MAPK10: variants seen among roughly 807,000 people sequenced by gnomAD.
MAPK10 encodes JNK3 alpha protein kinase.
A neutral mutation model predicts 59.3 loss-of-function variants in MAPK10; 25 were observed. The ratio of observed to expected loss-of-function variants is 0.42; its 90% CI spans 0.31 to 0.59. The LOEUF (loss-of-function observed/expected upper bound fraction) is 0.59, where lower values mean the gene tolerates loss of function less well. MAPK10 is among the 20% of genes least tolerant of loss of function. The pLI is 0.15. For synonymous variants in MAPK10, 190 were observed against 200.5 expected, an observed-to-expected ratio of 0.95 and a Z score of 0.44; for missense variants, 351 against 568.9, an observed-to-expected ratio of 0.62 and a Z score of 3.90.
chr4:86,299,176 C>CT (rs2148840242), intron 2 of MAPK10, among the ~76,000 whole-genome samples: 1 of 152,030 alleles, frequency 6.6e-6, no homozygotes, highest in East Asian at 1.9e-4. Flanking sequence ...TGTTTTGCAA[C>CT]TTTAAGTATG....
At chr4:86,352,029 A>G (rs1731815107) in intron 2 of MAPK10, 1 of 152,190 alleles carries the variant, frequency 6.6e-6, no homozygotes, top group Admixed American at 6.5e-5. Flanking sequence ...CCTGATTAGC[A>G]AAATTTAAGA....
intron 4 of MAPK10, among the ~76,000 whole-genome samples, chr4:86,158,193 C>G (rs919508487): frequency 1.4e-5 from 2 of 146,428 alleles, no homozygotes; most frequent in Non-Finnish European, 3.0e-5. Context: ...AATTTTAAAC[C>G]TCTTTTTTTT....
rs1358206013 is a variant in MAPK10, at chr4:86,013,922, G to T, written c.*3306C>A. 1 of 152,132 alleles carries T rather than the reference G, an allele frequency of 6.6e-6. No individual in the cohort carries two copies. The highest frequency in any genetic ancestry group is 1.5e-5 in the Non-Finnish European group (1 of 68,032). 9.4% of individuals were successfully genotyped at this position (152,132 alleles called of 1,614,324 possible). On this transcript the variant is annotated 3_prime_UTR_variant, in exon 14 of 14. Coordinates refer to ENST00000641462, the MANE Select transcript of MAPK10 (RefSeq NM_138982.4). ...GAAGAAATTCCGTTGTAAGGCTAGT[G>T]TATTCCTATTTAAAATTGAACACGC...
At chr4:86,200,702 AT>A (rs1466372293) in intron 2 of MAPK10, among the ~76,000 whole-genome samples, 1 of 150,510 alleles carries the variant, frequency 6.6e-6, no homozygotes, top group Non-Finnish European at 1.5e-5. Context: ...AATATGTGTA[AT>A]TTTTTAATAT....
intron 4 of MAPK10, among the ~76,000 whole-genome samples, chr4:86,149,856 G>A (rs1370842940): frequency 4.6e-5 from 7 of 152,166 alleles, no homozygotes; most frequent in Non-Finnish European, 8.8e-5. Context: ...TCTAACCACG[G>A]CCTTTCACAG....
intron 3 of MAPK10, among the ~76,000 whole-genome samples, chr4:86,162,658 G>A (rs2070202767): frequency 6.6e-6 from 1 of 151,896 alleles, no homozygotes; most frequent in Admixed American, 6.6e-5. Context: ...ACTCCATTCT[G>A]ATTTTGACAA....
chr4:86,024,394 C>G (rs561293419), intron 13 of MAPK10: 1 of 152,186 alleles, frequency 6.6e-6, no homozygotes, highest in Admixed American at 6.5e-5. Flanking sequence ...TTATAAAACA[C>G]ACAGCACTCC....
At chr4:86,223,204 C>T (rs1422422246) in intron 2 of MAPK10, among the ~76,000 whole-genome samples, 7 of 152,188 alleles carry the variant, frequency 4.6e-5, no homozygotes, top group Non-Finnish European at 8.8e-5. Context: ...ATCAGCTCCC[C>T]TTTAATGAGG....
intron 2 of MAPK10, among the ~76,000 whole-genome samples, chr4:86,271,077 T>C (rs1053564640): frequency 6.6e-6 from 1 of 152,068 alleles, no homozygotes. Context: ...AAATGTTAAT[T>C]TAATAATAAA....
chr4:86,186,930 A>G (rs1390532135), intron 3 of MAPK10, among the ~76,000 whole-genome samples: 1 of 152,132 alleles, frequency 6.6e-6, no homozygotes, highest in Non-Finnish European at 1.5e-5. Flanking sequence ...CCACCTTCTT[A>G]CTTTCCCTTC....
At chr4:86,332,242 T>G (rs1286803733) in intron 2 of MAPK10, among the ~76,000 whole-genome samples, 1 of 152,168 alleles carries the variant, frequency 6.6e-6, no homozygotes, top group Non-Finnish European at 1.5e-5. Flanking sequence ...TAATAAAACT[T>G]TAAATAAACT....
At chr4:86,256,865 C>G (rs1430697120) in intron 2 of MAPK10, among the ~76,000 whole-genome samples, 1 of 151,242 alleles carries the variant, frequency 6.6e-6, no homozygotes, top group Admixed American at 6.6e-5. Flanking sequence ...TTCAGCCTCC[C>G]GAGTAGCTGG....
chr4:86,316,049 A>G (rs2095780562), intron 2 of MAPK10, among the ~76,000 whole-genome samples: 1 of 152,182 alleles, frequency 6.6e-6, no homozygotes, highest in Admixed American at 6.5e-5. Flanking sequence ...CGTCACTGCT[A>G]GAGTGGTATC....
At chr4:86,518,412 A>C (rs1446512167) in intron 1 of MAPK10, among the ~76,000 whole-genome samples, 1 of 152,224 alleles carries the variant, frequency 6.6e-6, no homozygotes, top group Non-Finnish European at 1.5e-5. Flanking sequence ...AAAGGTGTTC[A>C]TAGTAGCCTT....
intron 1 of MAPK10, among the ~76,000 whole-genome samples, chr4:86,467,313 A>G (rs1396038842): frequency 6.6e-6 from 1 of 152,236 alleles, no homozygotes; most frequent in Non-Finnish European, 1.5e-5. Flanking sequence ...CACAGCAACC[A>G]GTTAAAAGTG....
intron 3 of MAPK10, among the ~76,000 whole-genome samples, chr4:86,170,197 TA>T (rs2073639093): frequency 6.6e-6 from 1 of 151,404 alleles, no homozygotes; most frequent in Admixed American, 6.6e-5. Context: ...CAGGATCAAA[TA>T]CACACATCAC....
chr4:86,493,904 G>A (rs900829069), intron 1 of MAPK10, among the ~76,000 whole-genome samples: 5 of 152,138 alleles, frequency 3.3e-5, no homozygotes, highest in Admixed American at 2.6e-4. Context: ...AGACAGCCCA[G>A]CCATCTCCTA....
intron 1 of MAPK10, among the ~76,000 whole-genome samples, chr4:86,491,992 T>A (rs1308468850): frequency 6.6e-6 from 1 of 152,252 alleles, no homozygotes; most frequent in African/African-American, 2.4e-5. Flanking sequence ...ATAGTCCCAA[T>A]GAATAGGTTA....
At chr4:86,454,714 T>A (rs1751080567), upstream of MAPK10, among the ~76,000 whole-genome samples, 1 of 152,152 alleles carries the variant, frequency 6.6e-6, no homozygotes. Context: ...TTTGGGGGAT[T>A]AATCAAGAAA....
Sources: allele counts gnomAD v4.1 joint callset (sites outside exome capture counted in the v4.1 genomes callset), GRCh38; gene constraint gnomAD v4.1.1; transcripts MANE v1.5; gene names NCBI Gene and HGNC (gene_info 2026-07-23, HGNC 2026-07-21).